Variants in LYST observed in about 807,000 individuals in gnomAD.
LYST encodes the protein lysosomal trafficking regulator, also known as lysosomal-trafficking regulator.
A neutral mutation model predicts 413.6 loss-of-function variants in LYST; 192 were observed. The observed-to-expected ratio is 0.46, with a 90% CI of 0.41 to 0.52. LYST has a LOEUF of 0.52. Ranked by LOEUF, LYST falls within the 20% of genes least tolerant of loss-of-function variation. The pLI is 0.00. For missense variants in LYST, 3,815 were observed against 4,499.9 expected (o/e 0.85, Z 4.35); for synonymous variants, 1,525 against 1,567.3 (o/e 0.97, Z 0.64).
intron 1 of LYST, among the ~76,000 whole-genome samples, chr1:235,866,211 G>A (rs1222339850): frequency 6.6e-6 from 1 of 152,186 alleles, no homozygotes; most frequent in African/African-American, 2.4e-5. Context: ...TCAGGCTCCA[G>A]TGATACCGGA....
chr1:235,877,029 T>C (rs1392081654), intron 1 of LYST, among the ~76,000 whole-genome samples: 1 of 152,216 alleles, frequency 6.6e-6, no homozygotes, highest in Admixed American at 6.5e-5. Flanking sequence ...GCATCCAGAT[T>C]TGCTCCTTAC....
intron 30 of LYST, 95 bp from the exon 31 acceptor site, chr1:235,741,723 G>A: frequency 4.4e-6 from 4 of 899,520 alleles, no homozygotes; most frequent in Non-Finnish European, 5.4e-6. Context: ...TATGGAACAC[G>A]TTTTATTCCA....
intron 1 of LYST, among the ~76,000 whole-genome samples, chr1:235,837,866 T>TA (rs1293891695): frequency 3.8e-4 from 57 of 150,100 alleles, no homozygotes; most frequent in African/African-American, 1.1e-3. Context: ...TAAGTGAGGT[T>TA]AAAAAAAAAC....
chr1:235,848,462 GGA>G (rs900449516), intron 1 of LYST, among the ~76,000 whole-genome samples: 1 of 151,712 alleles, frequency 6.6e-6, no homozygotes, highest in African/African-American at 2.4e-5. Context: ...CACACCTCAA[GGA>G]ACTAGAGAAA....
chr1:235,835,460 C>A (rs1676475131), intron 1 of LYST, among the ~76,000 whole-genome samples: 1 of 152,190 alleles, frequency 6.6e-6, no homozygotes, highest in Admixed American at 6.5e-5. Context: ...CTAGATCCGT[C>A]TGTTTCTCTT....
chr1:235,809,030 G>A lies in LYST; in HGVS notation c.1788C>T (p.Leu596=). 1 of 1,614,002 alleles carries A rather than the reference G, an allele frequency of 6.2e-7. No individual in the cohort carries two copies. The highest frequency in any genetic ancestry group is 8.5e-7 in the Non-Finnish European group (1 of 1,179,918). The change falls in exon 5 of 53, where the codon CTC becomes CTT. Residue 596 remains leucine (L), a synonymous_variant. Transcript: ENST00000389793. The surrounding 1 kb of genome is among the most constrained non-coding windows in gnomAD (Gnocchi z 4.0). ...TCAGTGCTGGCAATTTAAAAGCATGGAGCAAAGGAATGATTACAGATTTGG... is the reference window on the plus strand; with the variant it reads ...TCAGTGCTGGCAATTTAAAAGCATGAAGCAAAGGAATGATTACAGATTTGG... ...MDPKSVIIPL[L]HAFKLPALKN... is the part of the protein sequence containing the mutation.
Position 235,810,511 on chromosome 1 carries a change from C to A in LYST, c.307G>T (p.Asp103Tyr), listed in dbSNP as rs765939688. Residue 103 changes from aspartate to tyrosine, a missense_variant, in exon 5 of 53, where the codon GAT (aspartate) becomes TAT (tyrosine). By Grantham distance (160) the Asp-to-Tyr change is radical (BLOSUM62 -3). Around this residue, in one of 4 missense-constraint regions of LYST, gnomAD observed 1,648 missense variants for 1,810.3 expected, o/e 0.91. Transcript: ENST00000389793. The stretch of plus-strand genomic sequence containing the variant: ...TTCTTTTCTTTGGTCAGGATTATAT[C>A]TGCTGAGAGCGGTAGGTTAAAATCT... ...ATDFNLPLSA[D>Y]IILTKEKNSS... is the part of the protein sequence containing the mutation. 6.2e-7 allele frequency: 1 copy of A among 1,612,300 alleles called. No individual in the cohort carries two copies. Among genetic ancestry groups the A allele is most frequent in the Non-Finnish European group, 8.5e-7 (1 of 1,179,830 alleles).
At position 235,720,760 on chromosome 1, in the gene LYST, C is replaced by A; in HGVS notation, c.9461G>T (p.Gly3154Val). The change falls in exon 40 of 53, where the codon GGC becomes GTC. Residue 3154 changes from glycine (G) to valine (V), a missense_variant. By Grantham distance (109) the Gly-to-Val change is moderately radical (BLOSUM62 -3). This residue lies in a region of LYST where 866 missense variants were observed against 1,156.0 expected (regional missense o/e 0.75). Coordinates refer to ENST00000389793, the MANE Select transcript of LYST (RefSeq NM_000081.4). ...CTGCATGAGATCATTGAAGGATCGG[C>A]CAGCATGTTTGTTTAAGTGAGTCAA... ...EYLTHLNKHA[G>V]RSFNDLMQYP... is the part of the protein sequence containing the mutation. The A allele has an allele frequency of 6.2e-7, 1 of 1,614,046 alleles. No individual in the cohort carries two copies. The highest frequency in any genetic ancestry group is 8.5e-7 in the Non-Finnish European group (1 of 1,179,978).
At position 235,745,531 on chromosome 1, in the gene LYST, C is replaced by G. The variant is rs541646500; in HGVS notation, c.7972+805G>C. Among the ~76,000 whole-genome samples the G allele has an allele frequency of 5.3e-5, 8 of 152,288 alleles. No individual in the cohort carries two copies. In the East Asian group the frequency reaches 1.3e-3, roughly 26 times the overall value. On this transcript the variant is annotated intron_variant, in intron 29 of 52. Coordinates refer to ENST00000389793, the MANE Select transcript of LYST (RefSeq NM_000081.4). The stretch of plus-strand genomic sequence containing the variant: ...TTTGGCAGTTTCTTAAAAAACTACA[C>G]ATGTAATTACCGTATGACCCAGTAA...
rs1006029667 is a variant in LYST, at chr1:235,674,683, G to C, written c.11038+2408C>G. Reference sequence around the variant, plus strand: ...ACCAGTCAGATGGCTTAGGAAAATAGAATAGCCCTTAACATAATATTGGCC... The same window carrying C: ...ACCAGTCAGATGGCTTAGGAAAATACAATAGCCCTTAACATAATATTGGCC... On this transcript the variant is annotated intron_variant, in intron 50 of 52. Transcript: ENST00000389793. The surrounding 1 kb of genome is among the most constrained non-coding windows in gnomAD (Gnocchi z 4.1). Among the ~76,000 whole-genome samples the C allele has an allele frequency of 6.6e-6, 1 of 152,176 alleles. No homozygotes were observed. The highest frequency in any genetic ancestry group is 2.4e-5 in the African/African-American group (1 of 41,444).
chr1:235,722,434 T>A (rs889071003), intron 39 of LYST, among the ~76,000 whole-genome samples: 1 of 152,146 alleles, frequency 6.6e-6, no homozygotes, highest in South Asian at 2.1e-4. Flanking sequence ...AAGAAAGGGT[T>A]TGTCAAAGTC....
intron 46 of LYST, among the ~76,000 whole-genome samples, chr1:235,695,629 A>ATTTTTTTTTTTTTTT (rs148101450): frequency 9.4e-5 from 11 of 116,418 alleles, no homozygotes; most frequent in African/African-American, 3.7e-4. Context: ...CAGTACTCTA[A>ATTTTTTTTTTTTTTT]TTTTTTTTTT....
chr1:235,819,601 C>T (rs535746379), intron 3 of LYST, among the ~76,000 whole-genome samples: 1 of 152,274 alleles, frequency 6.6e-6, no homozygotes, highest in South Asian at 2.1e-4. Context: ...CTAGACCACC[C>T]AATCAAGAGA....
chr1:235,695,759 A>G lies in LYST; in HGVS notation c.10564+1324T>C, dbSNP rs556835802. ...GCCATTCTCCTGCCTCAGCCTCCCG[A>G]GTAGCTGGGACTACAGGAGCCCGCC... On this transcript the variant is annotated intron_variant, in intron 46 of 52. Transcript: ENST00000389793. Among the ~76,000 whole-genome samples the G allele has an allele frequency of 2.0e-5, 3 of 150,616 alleles. No individual in the cohort carries two copies. The South Asian group carries it at 6.3e-4, about 32-fold the overall frequency.
intron 44 of LYST, among the ~76,000 whole-genome samples, chr1:235,707,398 G>C (rs561671313): frequency 5.3e-5 from 8 of 152,186 alleles, no homozygotes; most frequent in African/African-American, 1.9e-4. Context: ...AGGCTGAGGT[G>C]GTGGATCACG....
chr1:235,704,064 C>T lies in LYST; in HGVS notation c.10144-1087G>A, dbSNP rs560231792. ...GGGTAATGGCCTCCAGCTCCATACACGTTCCAACAAAGGACATGATCTTGT... is the reference window on the plus strand; with the variant it reads ...GGGTAATGGCCTCCAGCTCCATACATGTTCCAACAAAGGACATGATCTTGT... On this transcript the variant is annotated intron_variant, in intron 44 of 52. Transcript: ENST00000389793. 1.4e-4 allele frequency among the ~76,000 whole-genome samples: 22 copies of T among 152,256 alleles called. 2 individuals carry two copies. Among genetic ancestry groups the T allele is most frequent in the Admixed American group, 9.2e-4 (14 of 15,282 alleles).
chr1:235,790,111 T>A (rs1484269999), intron 12 of LYST, among the ~76,000 whole-genome samples: 1 of 152,182 alleles, frequency 6.6e-6, no homozygotes, highest in African/African-American at 2.4e-5. Flanking sequence ...TTCTAATATA[T>A]CCTTAAAATA....
In LYST at chr1:235,741,601, G is replaced by T; in HGVS notation, c.8179C>A (p.Gln2727Lys). ...GACCACAGAATTTTAGTCCATTGCTGCTTGGAACCACTGGCTTTACTTGAA... is the reference window on the plus strand; with the variant it reads ...GACCACAGAATTTTAGTCCATTGCTTCTTGGAACCACTGGCTTTACTTGAA... Reference protein sequence around the residue: ...IGSSKASGSKQQWTKILWSCK... With the variant: ...IGSSKASGSKKQWTKILWSCK... The change falls in exon 31 of 53, where the codon CAG becomes AAG. Residue 2727 changes from glutamine (Q) to lysine (K), a missense_variant. Gln to Lys is a moderately conservative substitution (Grantham distance 53). Around this residue, in one of 4 missense-constraint regions of LYST, gnomAD observed 771 missense variants for 837.1 expected, o/e 0.92. Coordinates refer to ENST00000389793, the MANE Select transcript of LYST (RefSeq NM_000081.4). 6.2e-7 allele frequency: 1 copy of T among 1,613,916 alleles called. No homozygotes were observed. Among genetic ancestry groups the T allele is most frequent in the South Asian group, 1.1e-5 (1 of 91,080 alleles).
chr1:235,743,831 A>G (rs1415333244), intron 30 of LYST, 148 bp downstream of exon 30: 1 of 563,748 alleles, frequency 1.8e-6, no homozygotes, highest in Non-Finnish European at 3.2e-6. Context: ...ATATTATTCT[A>G]TAATTAAAAA....
Sources: gnomAD v4.1 joint callset for allele counts (sites outside exome capture counted in the v4.1 genomes callset) on GRCh38, gnomAD v4.1.1 for gene constraint, gnomAD v4.1.1 regional missense constraint, Gnocchi (gnomAD v3.1) non-coding constraint, MANE v1.5 for transcripts, NCBI Gene and HGNC (gene_info 2026-07-23, HGNC 2026-07-21) for gene names.